The following GFOD1 variants were observed in gnomAD, a reference collection of about 807,000 sequenced individuals.
GFOD1 encodes the protein Gfo/Idh/MocA-like oxidoreductase domain containing 1.
A neutral mutation model predicts 25.4 loss-of-function variants in GFOD1; 9 were observed. That is an observed-to-expected ratio of 0.35 (90% CI 0.21 to 0.62). GFOD1 has a LOEUF of 0.62. Ranked by LOEUF, GFOD1 falls within the 20% of genes least tolerant of loss-of-function variation. The pLI is 0.72. For missense variants in GFOD1, 403 were observed against 556.9 expected (o/e 0.72, Z 2.78); for synonymous variants, 253 against 245.6 (o/e 1.03, Z -0.28).
At chr6:13,376,109 G>A (rs754986550) in intron 1 of GFOD1, among the ~76,000 whole-genome samples, 2 of 152,220 alleles carry the variant, frequency 1.3e-5, no homozygotes, top group Non-Finnish European at 2.9e-5. Context: ...GACCTTCCAA[G>A]CTAGTGGCCA....
At chr6:13,451,919 A>G (rs1413515309) in intron 1 of GFOD1, among the ~76,000 whole-genome samples, 2 of 152,178 alleles carry the variant, frequency 1.3e-5, no homozygotes, top group African/African-American at 2.4e-5. Context: ...AAGCAGACAC[A>G]TGGGGATTTG....
At chr6:13,405,851 A>C (rs979306064) in intron 1 of GFOD1, among the ~76,000 whole-genome samples, 2 of 152,152 alleles carry the variant, frequency 1.3e-5, no homozygotes, top group African/African-American at 4.8e-5. Context: ...AAAGTGAACA[A>C]AGAAGCATAA....
chr6:13,409,131 A>AAG (rs1363104783), intron 1 of GFOD1, among the ~76,000 whole-genome samples: 1 of 47,610 alleles, frequency 2.1e-5, no homozygotes, highest in Non-Finnish European at 6.3e-5. Flanking sequence ...GAAAGAAAGA[A>AAG]AGAAAGAAAG....
intron 1 of GFOD1, among the ~76,000 whole-genome samples, chr6:13,420,821 T>C (rs1437443769): frequency 1.3e-5 from 2 of 152,210 alleles, no homozygotes; most frequent in Non-Finnish European, 2.9e-5. Context: ...GAGTATAACA[T>C]GGCACTAAAG....
rs548370461 is a variant in GFOD1, at chr6:13,486,080, A to G, written c.253+558T>C. The G allele has an allele frequency of 7.1e-6, 7 of 985,698 alleles. No individual in the cohort carries two copies. The African/African-American group carries it at 1.0e-4, about 15-fold the overall frequency. 61.1% of individuals were successfully genotyped at this position (985,698 alleles called of 1,614,324 possible). ...ATCTCACGCTAAACTAACTCACAGC[A>G]GAAAGAAACAAACGACCCTAGCAGG... On this transcript the variant is annotated intron_variant, in intron 1 of 1. Coordinates refer to ENST00000379287, the MANE Select transcript of GFOD1 (RefSeq NM_018988.4).
chr6:13,388,291 A>T (rs1785515939), intron 1 of GFOD1, among the ~76,000 whole-genome samples: 1 of 152,234 alleles, frequency 6.6e-6, no homozygotes. Flanking sequence ...ACCAAAAAAG[A>T]GCCTGCATAG....
At chr6:13,379,734 T>C (rs528371024) in intron 1 of GFOD1, among the ~76,000 whole-genome samples, 10 of 152,340 alleles carry the variant, frequency 6.6e-5, no homozygotes, top group African/African-American at 2.4e-4. Context: ...TTGTTGGCAA[T>C]TTAAATGCCT....
At chr6:13,458,558 C>A (rs1373504491) in intron 1 of GFOD1, among the ~76,000 whole-genome samples, 1 of 151,950 alleles carries the variant, frequency 6.6e-6, no homozygotes, top group African/African-American at 2.4e-5. Flanking sequence ...CAGAGCCCTT[C>A]CTGTACTATC....
chr6:13,479,906 C>T (rs999299943), intron 1 of GFOD1, among the ~76,000 whole-genome samples: 6 of 152,186 alleles, frequency 3.9e-5, no homozygotes, highest in African/African-American at 9.7e-5. Context: ...CCAGAAGAGA[C>T]CTCAAGCAAG....
chr6:13,392,916 G>A (rs989348022), intron 1 of GFOD1, among the ~76,000 whole-genome samples: 1 of 151,582 alleles, frequency 6.6e-6, no homozygotes, highest in African/African-American at 2.4e-5. Flanking sequence ...TTAAAAATTA[G>A]CCAGGCATGG....
At chr6:13,413,553 G>A (rs1786114718) in intron 1 of GFOD1, among the ~76,000 whole-genome samples, 3 of 152,166 alleles carry the variant, frequency 2.0e-5, no homozygotes, top group African/African-American at 7.2e-5. Context: ...CTGTAGTTTA[G>A]CTCTGTACTC....
chr6:13,461,565 C>T (rs942507945), intron 1 of GFOD1, among the ~76,000 whole-genome samples: 2 of 152,172 alleles, frequency 1.3e-5, no homozygotes, highest in African/African-American at 2.4e-5. Context: ...TTCCACCCTC[C>T]GCAGCAGGGT....
At chr6:13,422,228 G>A (rs1362322955) in intron 1 of GFOD1, among the ~76,000 whole-genome samples, 1 of 152,138 alleles carries the variant, frequency 6.6e-6, no homozygotes, top group Non-Finnish European at 1.5e-5. Flanking sequence ...TGAACAAGAA[G>A]CTCATTTGTA....
chr6:13,459,090 C>T (rs2127575131), intron 1 of GFOD1, among the ~76,000 whole-genome samples: 1 of 152,256 alleles, frequency 6.6e-6, no homozygotes, highest in East Asian at 1.9e-4. Flanking sequence ...GCCACAAGGG[C>T]TCTGCTCTGA....
At chr6:13,447,904 C>T (rs568335449) in intron 1 of GFOD1, among the ~76,000 whole-genome samples, 16 of 151,982 alleles carry the variant, frequency 1.1e-4, no homozygotes, top group Non-Finnish European at 1.8e-4. Context: ...CTGAGGAGGG[C>T]TGGAACTCTA....
At chr6:13,381,734 T>G (rs1286327557) in intron 1 of GFOD1, among the ~76,000 whole-genome samples, 1 of 152,078 alleles carries the variant, frequency 6.6e-6, no homozygotes, top group African/African-American at 2.4e-5. Context: ...TGTGGCTTGC[T>G]TTGTGCTCCA....
intron 1 of GFOD1, among the ~76,000 whole-genome samples, chr6:13,385,770 T>C (rs1181234972): frequency 6.6e-6 from 1 of 152,200 alleles, no homozygotes; most frequent in Non-Finnish European, 1.5e-5. Flanking sequence ...GCTACCTGCC[T>C]TCTTCAAGGG....
chr6:13,470,160 A>C (rs750798356), intron 1 of GFOD1: 1 of 1,531,506 alleles, frequency 6.5e-7, no homozygotes, highest in Non-Finnish European at 8.9e-7. Context: ...GTGATGTCCC[A>C]CTGGCTTCCC....
At chr6:13,389,924 G>A (rs925846978) in intron 1 of GFOD1, among the ~76,000 whole-genome samples, 3 of 151,904 alleles carry the variant, frequency 2.0e-5, no homozygotes, top group Non-Finnish European at 4.4e-5. Flanking sequence ...CTCACCAAAA[G>A]GACCCCCTGC....
Sources: allele counts gnomAD v4.1 joint callset (sites outside exome capture counted in the v4.1 genomes callset), GRCh38; gene constraint gnomAD v4.1.1; transcripts MANE v1.5; gene names NCBI Gene and HGNC (gene_info 2026-07-23, HGNC 2026-07-21).